ZFYVE9: variants seen among roughly 807,000 people sequenced by gnomAD.
ZFYVE9 encodes the protein zinc finger FYVE domain-containing protein 9.
In ZFYVE9, 43 loss-of-function variants were observed where a neutral mutation model predicts 126.7. The observed-to-expected ratio is 0.34, with a 90% CI of 0.27 to 0.44. The LOEUF is 0.44. Among genes scored for constraint, ZFYVE9 ranks in the 20% least tolerant of loss-of-function variants. The pLI, the probability that ZFYVE9 is intolerant of heterozygous loss-of-function variation, is 1.00. For synonymous variants in ZFYVE9, 521 were observed against 597.4 expected (o/e 0.87, Z 1.87); for missense variants, 1,476 against 1,697.0 (o/e 0.87, Z 2.29).
intron 4 of ZFYVE9, among the ~76,000 whole-genome samples, chr1:52,241,142 G>C (rs928776122): frequency 2.0e-5 from 3 of 152,102 alleles, no homozygotes; most frequent in Non-Finnish European, 4.4e-5. Flanking sequence ...CCTTTTTACT[G>C]TCTGGATGTA....
At chr1:52,345,084 T>G in intron 18 of ZFYVE9, 140 bp downstream of exon 18, 1 of 873,100 alleles carries the variant, frequency 1.1e-6, no homozygotes. Flanking sequence ...TGGCCCTCTC[T>G]TTAATAGTAC....
At chr1:52,143,699 T>C (rs971188799) in intron 1 of ZFYVE9, among the ~76,000 whole-genome samples, 2 of 152,240 alleles carry the variant, frequency 1.3e-5, no homozygotes, top group African/African-American at 4.8e-5. Context: ...GTATAAGACC[T>C]GTAAAAATAT....
chr1:52,176,472 A>G (rs1327821293), intron 1 of ZFYVE9, among the ~76,000 whole-genome samples: 2 of 152,102 alleles, frequency 1.3e-5, no homozygotes, highest in Admixed American at 6.6e-5. Flanking sequence ...CAGTCTGCCC[A>G]TTCTCAGATC....
chr1:52,152,231 C>T lies in ZFYVE9; in HGVS notation c.-143+9828C>T, dbSNP rs150762311. ...TCTCGAACTCCTGACCTCAGATGAT[C>T]CACCTGCCTCAGCCTCCTAAAGTAC... is the stretch of plus-strand genomic sequence containing the variant. On this transcript the variant is annotated intron_variant, in intron 1 of 18. Transcript: ENST00000287727. Among the ~76,000 whole-genome samples, 23 of 152,220 alleles carry T rather than the reference C, an allele frequency of 1.5e-4. No individual in the cohort carries two copies. The East Asian group carries it at 4.2e-3, about 28-fold the overall frequency.
chr1:52,314,456 C>T (rs998798253), intron 13 of ZFYVE9, among the ~76,000 whole-genome samples: 3 of 152,168 alleles, frequency 2.0e-5, no homozygotes, highest in Admixed American at 6.5e-5. Flanking sequence ...CCAAGATGGG[C>T]GGATCACTTG....
Position 52,233,284 on chromosome 1 carries a change from T to C in ZFYVE9, c.70+8T>C, listed in dbSNP as rs867014014. 6.4e-7 allele frequency: 1 copy of C among 1,570,998 alleles called. No homozygotes were observed. Among genetic ancestry groups the C allele is most frequent in the Non-Finnish European group, 8.7e-7 (1 of 1,154,672 alleles). On this transcript the variant is annotated splice_region_variant and intron_variant, in intron 3 of 18. Transcript: ENST00000287727. ...AATTTGAACAAAACGAAGGTGAGAA[T>C]TTATATTGGTGAATCTGTTTGCCTA...
intron 1 of ZFYVE9, among the ~76,000 whole-genome samples, chr1:52,179,491 G>T (rs1005214178): frequency 1.3e-5 from 2 of 152,140 alleles, no homozygotes; most frequent in African/African-American, 4.8e-5. Flanking sequence ...AAAATTAGTT[G>T]GGCGTGGTGG....
At chr1:52,208,603 G>C (rs1299976645) in intron 1 of ZFYVE9, among the ~76,000 whole-genome samples, 1 of 150,634 alleles carries the variant, frequency 6.6e-6, no homozygotes, top group Non-Finnish European at 1.5e-5. Context: ...GCGCAATCTT[G>C]GCCCACCGCA....
chr1:52,235,642 A>G (rs555605992), intron 3 of ZFYVE9, among the ~76,000 whole-genome samples: 26 of 152,202 alleles, frequency 1.7e-4, no homozygotes, highest in Admixed American at 5.9e-4. Context: ...ACTTCTTTAC[A>G]CTAATTCTTT....
intron 1 of ZFYVE9, among the ~76,000 whole-genome samples, chr1:52,200,198 A>G (rs1188283177): frequency 3.3e-5 from 5 of 151,430 alleles, no homozygotes; most frequent in Admixed American, 6.6e-5. Flanking sequence ...TATTTTTTTT[A>G]GACAGGCTCT....
intron 4 of ZFYVE9, among the ~76,000 whole-genome samples, chr1:52,246,023 G>A (rs1645380984): frequency 6.6e-6 from 1 of 152,050 alleles, no homozygotes; most frequent in African/African-American, 2.4e-5. Context: ...TACTTCCTGG[G>A]CCCAGGCAAT....
rs181996812 is a variant in ZFYVE9 at position 52,187,305 on chromosome 1, C to T, written c.-142-29064C>T. 3.3e-5 allele frequency among the ~76,000 whole-genome samples: 5 copies of T among 152,180 alleles called. No individual in the cohort carries two copies. In the East Asian group the frequency reaches 9.7e-4, roughly 29 times the overall value. On this transcript the variant is annotated intron_variant, in intron 1 of 18. Coordinates refer to ENST00000287727, the MANE Select transcript of ZFYVE9 (RefSeq NM_004799.4). ...CTGGACCCCTTCTTTATACCATGCA[C>T]AAAAATCAATGCAAGATGGTTTAAA... is the stretch of plus-strand genomic sequence containing the variant.
chr1:52,183,566 G>T (rs1270355208), intron 1 of ZFYVE9, among the ~76,000 whole-genome samples: 1 of 152,114 alleles, frequency 6.6e-6, no homozygotes, highest in African/African-American at 2.4e-5. Flanking sequence ...GCAGTGGTGC[G>T]ATCTCAGCTC....
At chr1:52,339,380 C>G (rs577749876) in intron 16 of ZFYVE9, among the ~76,000 whole-genome samples, 6 of 152,164 alleles carry the variant, frequency 3.9e-5, no homozygotes, top group Non-Finnish European at 8.8e-5. Context: ...CTCCGCCTCC[C>G]AGGTTCAAGG....
chr1:52,263,486 AG>A (rs1645601078), intron 4 of ZFYVE9, among the ~76,000 whole-genome samples: 1 of 152,178 alleles, frequency 6.6e-6, no homozygotes, highest in Non-Finnish European at 1.5e-5. Flanking sequence ...AATCTTGCCT[AG>A]GGGTAATTCA....
In ZFYVE9 at chr1:52,293,463, G is replaced by C. The variant is rs753837250; in HGVS notation, c.3036G>C (p.Val1012=). 2.5e-6 allele frequency: 4 copies of C among 1,611,682 alleles called. No individual in the cohort carries two copies. The highest frequency in any genetic ancestry group is 3.4e-6 in the Non-Finnish European group (4 of 1,179,106). ...CTTTTTTGTTTTTAGGGAATGTGGT[G>C]AGCAACTTGGGACATTCCTTCTTCA... ...LYRDALAGNV[V]SNLGHSFFSQ... Residue 1012 remains valine (V), a synonymous_variant, in exon 11 of 19, where the codon GTG becomes GTC. Coordinates refer to ENST00000287727, the MANE Select transcript of ZFYVE9 (RefSeq NM_004799.4).
At chr1:52,312,890 G>GATC (rs1188505658) in intron 13 of ZFYVE9, among the ~76,000 whole-genome samples, 1 of 152,164 alleles carries the variant, frequency 6.6e-6, no homozygotes, top group African/African-American at 2.4e-5. Flanking sequence ...CTCAGAATAT[G>GATC]ACTTTATTTG....
intron 1 of ZFYVE9, among the ~76,000 whole-genome samples, chr1:52,159,657 A>G (rs1644437537): frequency 6.6e-6 from 1 of 152,212 alleles, no homozygotes; most frequent in Non-Finnish European, 1.5e-5. Flanking sequence ...GGACTGCAGT[A>G]GGAGGCTGTC....
intron 1 of ZFYVE9, among the ~76,000 whole-genome samples, chr1:52,166,254 G>C (rs1644512977): frequency 6.6e-6 from 1 of 152,216 alleles, no homozygotes; most frequent in African/African-American, 2.4e-5. Context: ...GGTGCAAGCA[G>C]TTCTACCCAT....
Sources: allele counts gnomAD v4.1 joint callset (sites outside exome capture counted in the v4.1 genomes callset), GRCh38; gene constraint gnomAD v4.1.1; transcripts MANE v1.5; gene names NCBI Gene and HGNC (gene_info 2026-07-23, HGNC 2026-07-21).